The following SAMMSON variants were observed in gnomAD, a reference collection of about 807,000 sequenced individuals.
SAMMSON encodes the protein survival associated mitochondrial melanoma specific oncogenic non-coding RNA.
intron 4 of SAMMSON, among the ~76,000 whole-genome samples, chr3:70,170,031 A>C (rs1350298637): frequency 6.6e-6 from 1 of 151,984 alleles, no homozygotes; most frequent in African/African-American, 2.4e-5. Context: ...TATTGCCTTT[A>C]GCCCTCTGGA....
chr3:70,425,169 G>C (rs1215315763), intron 2 of SAMMSON: 2 of 152,140 alleles, frequency 1.3e-5, no homozygotes, highest in Non-Finnish European at 2.9e-5. Context: ...TCTCCAATAA[G>C]CAATGATAAT....
At chr3:70,072,246 A>G (rs573715898) in intron 4 of SAMMSON, 3 of 152,092 alleles carry the variant, frequency 2.0e-5, no homozygotes, top group African/African-American at 7.2e-5. Context: ...GATCAAAACA[A>G]TTAGTGAAGT....
At position 70,273,602 on chromosome 3, in the gene SAMMSON, T is replaced by A. The variant is rs186633187; in HGVS notation, n.675-17577T>A. Among the ~76,000 whole-genome samples, 80 of 152,068 alleles carry A rather than the reference T, an allele frequency of 5.3e-4. No individual in the cohort carries two copies. In the East Asian group the frequency reaches 0.015, roughly 28 times the overall value. On this transcript the variant is annotated intron_variant and non_coding_transcript_variant, in intron 6 of 9. Transcript: ENST00000642114. ...AAAAAAAAGAAATGCAGGTCTTGTG[T>A]TTGGTTTATAAGAGCATTTTGACAG...
intron 2 of SAMMSON, among the ~76,000 whole-genome samples, chr3:70,404,276 A>G (rs1325828054): frequency 6.6e-6 from 1 of 152,150 alleles, no homozygotes; most frequent in Non-Finnish European, 1.5e-5. Flanking sequence ...ATTTAAGGTC[A>G]CACAATTATG....
chr3:70,196,900 T>G (rs1444563422), intron 4 of SAMMSON: 1 of 398,396 alleles, frequency 2.5e-6, no homozygotes, highest in South Asian at 1.3e-4. Flanking sequence ...CCAAAAGGAC[T>G]GCCGGAATGT....
At chr3:70,186,906 C>T (rs1434591809) in intron 4 of SAMMSON, among the ~76,000 whole-genome samples, 2 of 152,286 alleles carry the variant, frequency 1.3e-5, no homozygotes, top group African/African-American at 4.8e-5. Context: ...AAGTCATAAA[C>T]GTAGTCTCAA....
At chr3:70,304,569 TTG>T (rs1250016954) in intron 7 of SAMMSON, among the ~76,000 whole-genome samples, 1 of 152,110 alleles carries the variant, frequency 6.6e-6, no homozygotes, top group African/African-American at 2.4e-5. Flanking sequence ...ATTCCTTTCT[TTG>T]TATCACCCCA....
chr3:70,333,436 T>G (rs1036735889), intron 7 of SAMMSON, among the ~76,000 whole-genome samples: 2 of 152,158 alleles, frequency 1.3e-5, no homozygotes, highest in Non-Finnish European at 2.9e-5. Context: ...AACATATACT[T>G]TTTAAAAGAC....
intron 6 of SAMMSON, among the ~76,000 whole-genome samples, chr3:70,252,994 C>G (rs75392473): frequency 0.063 from 9,656 of 152,066 alleles, 375 homozygotes; most frequent in South Asian, 0.12. Context: ...GCAAGAGAAT[C>G]GCTTGAACCC....
At chr3:70,010,645 A>C (rs997953764) in intron 1 of SAMMSON, among the ~76,000 whole-genome samples, 3 of 152,102 alleles carry the variant, frequency 2.0e-5, no homozygotes, top group African/African-American at 7.2e-5. Context: ...TTGGCTCCAG[A>C]GTGGCGTATG....
intron 9 of SAMMSON, among the ~76,000 whole-genome samples, chr3:70,388,648 T>C (rs976177252): frequency 1.3e-5 from 2 of 152,132 alleles, no homozygotes; most frequent in African/African-American, 4.8e-5. Context: ...GGCTGTGGAA[T>C]TATGGGAAAC....
chr3:70,277,259 G>A (rs1400897838), intron 6 of SAMMSON, among the ~76,000 whole-genome samples: 1 of 152,156 alleles, frequency 6.6e-6, no homozygotes, highest in Admixed American at 6.5e-5. Flanking sequence ...TGTTGAAAGT[G>A]TTAGTATATC....
chr3:70,066,963 A>T (rs2067212114), intron 3 of SAMMSON, among the ~76,000 whole-genome samples: 1 of 152,112 alleles, frequency 6.6e-6, no homozygotes, highest in South Asian at 2.1e-4. Flanking sequence ...AAATTATAGG[A>T]TATGTGTAGG....
intron 4 of SAMMSON, among the ~76,000 whole-genome samples, chr3:70,137,289 A>AT (rs1250696136): frequency 3.9e-5 from 6 of 151,940 alleles, no homozygotes; most frequent in Admixed American, 1.3e-4. Context: ...TTTTAAAAAA[A>AT]CTCCTCGATA....
At chr3:70,109,780 C>T (rs1277238919) in intron 4 of SAMMSON, among the ~76,000 whole-genome samples, 1 of 152,174 alleles carries the variant, frequency 6.6e-6, no homozygotes, top group Non-Finnish European at 1.5e-5. Context: ...ATTATACTGC[C>T]TCCTTAAAAG....
chr3:70,022,636 A>G (rs1465342344), intron 3 of SAMMSON, among the ~76,000 whole-genome samples: 1 of 152,164 alleles, frequency 6.6e-6, no homozygotes, highest in Non-Finnish European at 1.5e-5. Flanking sequence ...CTAATTGACT[A>G]GATGAAATAA....
chr3:70,335,159 T>C (rs192090925), intron 7 of SAMMSON, among the ~76,000 whole-genome samples: 15 of 152,100 alleles, frequency 9.9e-5, no homozygotes, highest in African/African-American at 2.6e-4. Flanking sequence ...GCTTGACACA[T>C]GAGCAGTGAA....
chr3:70,100,917 G>T (rs2067342985), intron 4 of SAMMSON, among the ~76,000 whole-genome samples: 1 of 152,202 alleles, frequency 6.6e-6, no homozygotes, highest in South Asian at 2.1e-4. Context: ...GGTACATATT[G>T]TTCATATTTA....
chr3:70,020,274 C>G (rs750660804), intron 3 of SAMMSON, among the ~76,000 whole-genome samples: 1 of 152,048 alleles, frequency 6.6e-6, no homozygotes, highest in African/African-American at 2.4e-5. Context: ...CTTTATTTTT[C>G]CACAATCAAG....
Sources: allele counts gnomAD v4.1 joint callset (sites outside exome capture counted in the v4.1 genomes callset), GRCh38; gene constraint gnomAD v4.1.1; transcripts MANE v1.5; gene names NCBI Gene and HGNC (gene_info 2026-07-23, HGNC 2026-07-21).